MX2: variants seen among roughly 807,000 people sequenced by gnomAD.
MX2 encodes interferon-induced GTP-binding protein Mx2.
Under a neutral mutation model 74.0 loss-of-function variants are expected in MX2, and 51 were observed. That is an observed-to-expected ratio of 0.69 (90% CI 0.55 to 0.87). The LOEUF (loss-of-function observed/expected upper bound fraction) is 0.87, where lower values mean the gene tolerates loss of function less well. Among genes scored for constraint, MX2 ranks in the 40% least tolerant of loss-of-function variants. The pLI is 0.00. For missense variants in MX2, 832 were observed against 908.7 expected, an observed-to-expected ratio of 0.92 and a Z score of 1.09; for synonymous variants, 369 against 339.3, an observed-to-expected ratio of 1.09 and a Z score of -0.96.
At chr21:41,394,096 A>C (rs949680953) in intron 6 of MX2, among the ~76,000 whole-genome samples, 1 of 152,162 alleles carries the variant, frequency 6.6e-6, no homozygotes, top group Non-Finnish European at 1.5e-5. Context: ...CTGCTGTTCG[A>C]GCACTCACCT....
Position 41,388,722 on chromosome 21 carries a change from C to T in MX2, c.733-1843C>T, listed in dbSNP as rs371640037. Among the ~76,000 whole-genome samples the T allele has an allele frequency of 3.2e-4, 49 of 152,272 alleles. No individual in the cohort carries two copies. The highest frequency in any genetic ancestry group is 5.7e-4 in the Non-Finnish European group (39 of 68,030). ...CACCCCCTCTCCAGGCAAACTGTTC[C>T]GGGGAGCATTTTCACTCTCTGATAT... is the stretch of plus-strand genomic sequence containing the variant. On this transcript the variant is annotated intron_variant, in intron 5 of 13. Transcript: ENST00000330714. The surrounding 1 kb of genome is among the most constrained non-coding windows in gnomAD (Gnocchi z 4.0).
intron 1 of MX2, among the ~76,000 whole-genome samples, chr21:41,371,332 T>TA (rs2089322381): frequency 6.6e-6 from 1 of 152,178 alleles, no homozygotes; most frequent in Non-Finnish European, 1.5e-5. Context: ...TGCCTGTTTC[T>TA]ACTGACTCTT....
intron 5 of MX2, among the ~76,000 whole-genome samples, chr21:41,386,625 C>T (rs936262249): frequency 6.6e-6 from 1 of 152,180 alleles, no homozygotes; most frequent in East Asian, 1.9e-4. Flanking sequence ...GCCTCCAGGT[C>T]CCACAGGCTC....
rs1259585548 is a variant in MX2, at chr21:41,368,064, C to T, written c.-72+6009C>T. 6.6e-6 allele frequency among the ~76,000 whole-genome samples: 1 copy of T among 152,218 alleles called. No homozygotes were observed. The highest frequency in any genetic ancestry group is 2.4e-5 in the African/African-American group (1 of 41,452). On this transcript the variant is annotated intron_variant, in intron 1 of 13. Coordinates refer to ENST00000330714, the MANE Select transcript of MX2 (RefSeq NM_002463.2). The surrounding 1 kb of genome is among the most constrained non-coding windows in gnomAD (Gnocchi z 4.6). Reference sequence around the variant, plus strand: ...AGTCAAGGTCCACAGCTCCCATGCTCTGCATTTATACTGGGCTGCGGAAGC... The same window carrying T: ...AGTCAAGGTCCACAGCTCCCATGCTTTGCATTTATACTGGGCTGCGGAAGC...
chr21:41,365,719 T>C (rs1317256721), intron 1 of MX2: 2 of 152,206 alleles, frequency 1.3e-5, no homozygotes, highest in Non-Finnish European at 2.9e-5. Context: ...GGTAGAATGA[T>C]TTCTATTCCT....
rs201893416 is a variant in MX2 at position 41,398,902 on chromosome 21, G to T, written c.1155G>T (p.Ser385=). 123 of 1,611,656 alleles carry T rather than the reference G, an allele frequency of 7.6e-5. No individual in the cohort carries two copies. Among genetic ancestry groups the T allele is most frequent in the Middle Eastern group, 3.3e-4 (2 of 6,068 alleles). Residue 385 remains serine (S), a synonymous_variant, in exon 9 of 14, where the codon TCG becomes TCT. Coordinates refer to ENST00000330714, the MANE Select transcript of MX2 (RefSeq NM_002463.2). The stretch of plus-strand genomic sequence containing the variant: ...TTTGCAATTGTTTTGTTTAGAAATC[G>T]CTCCCGTTGTTAGAAGGACAAATAA... ...TTELIMHIQK[S]LPLLEGQIRE...
In MX2 at chr21:41,408,004, G is replaced by A. The variant is rs867413932; in HGVS notation, c.1919G>A (p.Arg640His). 6 of 1,614,138 alleles carry A rather than the reference G, an allele frequency of 3.7e-6. No homozygotes were observed. The highest frequency in any genetic ancestry group is 4.5e-5 in the East Asian group (2 of 44,888). The change falls in exon 14 of 14, where the codon CGT becomes CAT. Residue 640 changes from arginine to histidine, a missense_variant. Physicochemically the swap from Arg to His is conservative, Grantham distance 29. Coordinates refer to ENST00000330714, the MANE Select transcript of MX2 (RefSeq NM_002463.2). ...TCCCTCTTCCAGGAAACCAGCAAAC[G>A]TCTCGCCAACCAGATCCCATTTATA... The part of the protein sequence containing the change: ...LNAYFLETSK[R>H]LANQIPFIIQ...
chr21:41,388,145 T>C lies in MX2; in HGVS notation c.733-2420T>C, dbSNP rs192543717. On this transcript the variant is annotated intron_variant, in intron 5 of 13. Coordinates refer to ENST00000330714, the MANE Select transcript of MX2 (RefSeq NM_002463.2). This position sits in a 1 kb window ranked among gnomAD's most constrained non-coding sequence, Gnocchi z 4.0. Reference sequence around the variant, plus strand: ...CGGCAGCACCCATCCCAAGAATGTTTCCCACACAGCTCTTGTGTTTTAAGG... The same window carrying C: ...CGGCAGCACCCATCCCAAGAATGTTCCCCACACAGCTCTTGTGTTTTAAGG... 2.4e-3 allele frequency among the ~76,000 whole-genome samples: 358 copies of C among 152,284 alleles called. 4 individuals carry two copies. The highest frequency in any genetic ancestry group is 8.0e-3 in the African/African-American group (334 of 41,550).
At chr21:41,399,098 CATGAG>C in intron 9 of MX2, 79 bp downstream of exon 9, 1 of 1,595,696 alleles carries the variant, frequency 6.3e-7, no homozygotes. Flanking sequence ...CTTCTTCACC[CATGAG>C]ATGAGGTGGG....
At chr21:41,376,811 C>T (rs552068243) in intron 1 of MX2, 25 bp from the exon 2 acceptor site, 112 of 1,546,596 alleles carry the variant, frequency 7.2e-5, no homozygotes, top group Middle Eastern at 2.3e-4. Flanking sequence ...ACCTGTGGGC[C>T]GCTCTCCCTC....
rs571842132 is a variant in MX2 at position 41,383,168 on chromosome 21, G to A, written c.732+604G>A. The stretch of plus-strand genomic sequence containing the variant: ...GAGGCCAGAAGTTCTAGACCAGCAC[G>A]GGCAACATAGTGAGACCCTGTCTCT... On this transcript the variant is annotated intron_variant, in intron 5 of 13. Coordinates refer to ENST00000330714, the MANE Select transcript of MX2 (RefSeq NM_002463.2). 3.9e-5 allele frequency among the ~76,000 whole-genome samples: 6 copies of A among 152,260 alleles called. No individual in the cohort carries two copies. In the South Asian group the frequency reaches 1.2e-3, roughly 32 times the overall value.
intron 10 of MX2, 75 bp from the exon 11 acceptor site, chr21:41,401,895 T>C (rs73905358): frequency 0.023 from 34,713 of 1,523,380 alleles, 840 homozygotes; most frequent in East Asian, 0.14. Context: ...AGCAAGACTT[T>C]ATAAAACTGT....
At chr21:41,392,672 C>CT (rs2089676031) in intron 6 of MX2, among the ~76,000 whole-genome samples, 1 of 152,174 alleles carries the variant, frequency 6.6e-6, no homozygotes, top group Non-Finnish European at 1.5e-5. Flanking sequence ...TTTACGTACA[C>CT]TTTATTACCA....
Position 41,370,894 on chromosome 21 carries a change from A to G in MX2, c.-71-5942A>G, listed in dbSNP as rs539904717. 6.6e-5 allele frequency among the ~76,000 whole-genome samples: 10 copies of G among 152,330 alleles called. No homozygotes were observed. The South Asian group carries it at 1.7e-3, about 25-fold the overall frequency. On this transcript the variant is annotated intron_variant, in intron 1 of 13. Coordinates refer to ENST00000330714, the MANE Select transcript of MX2 (RefSeq NM_002463.2). ...GAAAATGTATGGCGTGGAATTCAGT[A>G]GGGGAATGCTCACGATTTGTGTGGT...
chr21:41,393,286 G>A (rs2089688054), intron 6 of MX2, among the ~76,000 whole-genome samples: 2 of 152,132 alleles, frequency 1.3e-5, no homozygotes. Flanking sequence ...CCCTCACTAA[G>A]CTGGTTCCCC....
rs2089418825 is a variant in MX2 at position 41,377,290 on chromosome 21, G to A, written c.249+135G>A. 3.1e-6 allele frequency: 4 copies of A among 1,288,714 alleles called. No homozygotes were observed. The South Asian group carries it at 5.6e-5, about 18-fold the overall frequency. 79.8% of individuals were successfully genotyped at this position (1,288,714 alleles called of 1,614,324 possible). On this transcript the variant is annotated intron_variant, in intron 2 of 13. Coordinates refer to ENST00000330714, the MANE Select transcript of MX2 (RefSeq NM_002463.2). ...ACAGCTGATGTCTCCAGCTCTCCTG[G>A]TCATGCCCAACAAGTACCAGGAACA... is the stretch of plus-strand genomic sequence containing the variant.
chr21:41,393,110 C>CAAAAAAAAAAAAAAAAAAAAAA (rs373955778), intron 6 of MX2, among the ~76,000 whole-genome samples: 14 of 60,084 alleles, frequency 2.3e-4, no homozygotes, highest in African/African-American at 6.5e-4. Flanking sequence ...CTCAAAAAAG[C>CAAAAAAAAAAAAAAAAAAAAAA]AAAAAAAAAA....
intron 7 of MX2, among the ~76,000 whole-genome samples, chr21:41,396,651 C>T (rs777066299): frequency 6.6e-6 from 1 of 152,160 alleles, no homozygotes; most frequent in Non-Finnish European, 1.5e-5. Context: ...AGGTCTTGAG[C>T]GCCAACAGCC....
At chr21:41,377,729 C>T in intron 2 of MX2, 60 bp from the exon 3 acceptor site, 1 of 1,527,922 alleles carries the variant, frequency 6.5e-7, no homozygotes, top group South Asian at 1.2e-5. Context: ...CCACACATCT[C>T]CATGACACCA....
Sources: gnomAD v4.1 joint callset for allele counts (sites outside exome capture counted in the v4.1 genomes callset) on GRCh38, gnomAD v4.1.1 for gene constraint, Gnocchi (gnomAD v3.1) non-coding constraint, MANE v1.5 for transcripts, NCBI Gene and HGNC (gene_info 2026-07-23, HGNC 2026-07-21) for gene names.